The following PDE10A variants were observed in gnomAD, a reference collection of about 807,000 sequenced individuals.
PDE10A encodes the protein cAMP and cAMP-inhibited cGMP 3',5'-cyclic phosphodiesterase 10A.
PDE10A carries 39 observed loss-of-function variants against 97.7 expected under a neutral mutation model. The ratio of observed to expected loss-of-function variants is 0.40; its 90% CI spans 0.31 to 0.52. The LOEUF is 0.52. Among genes scored for constraint, PDE10A ranks in the 20% least tolerant of loss-of-function variants. PDE10A has a pLI of 0.56. For synonymous variants in PDE10A, 371 were observed against 376.8 expected (o/e 0.98, Z 0.18); for missense variants, 731 against 1,047.8 (o/e 0.70, Z 4.17).
chr6:165,679,581 C>T (rs1334122483), intron 1 of PDE10A, among the ~76,000 whole-genome samples: 2 of 152,186 alleles, frequency 1.3e-5, no homozygotes, highest in East Asian at 1.9e-4. Context: ...AGCACAGGAA[C>T]GCCGGGAAGC....
rs150123141 is a variant in PDE10A at position 165,928,180 on chromosome 6, T to C, written c.-615+59349A>G. On this transcript the variant is annotated intron_variant, in intron 1 of 19. Coordinates refer to the PDE10A transcript ENST00000366882. ...GCCCTAGCTTCATCACACTCAGAAGTAGGTAAAAAGGGGGAAAACATGGGT... is the reference window on the plus strand; with the variant it reads ...GCCCTAGCTTCATCACACTCAGAAGCAGGTAAAAAGGGGGAAAACATGGGT... Among the ~76,000 whole-genome samples the C allele has an allele frequency of 2.2e-3, 330 of 152,148 alleles. 1 individual carries two copies. The highest frequency in any genetic ancestry group is 7.4e-3 in the African/African-American group (309 of 41,508).
At chr6:165,855,308 G>A (rs75332492) in intron 1 of PDE10A, among the ~76,000 whole-genome samples, 1 of 45,184 alleles carries the variant, frequency 2.2e-5, no homozygotes, top group African/African-American at 5.2e-5. Flanking sequence ...GAAGTGGCGG[G>A]GGGGGGGGGG....
chr6:165,661,934 G>A lies in PDE10A; in HGVS notation c.865+13C>T. On this transcript the variant is annotated intron_variant, in intron 1 of 21. Transcript: ENST00000539869. This position sits in a 1 kb window ranked among gnomAD's most constrained non-coding sequence, Gnocchi z 4.8. ...CCGCCCCACCTCCGGGGAACGGGGA[G>A]CAGGCCACTTACTGGGGCTCAGGAA... is the stretch of plus-strand genomic sequence containing the variant. 1.1e-6 allele frequency: 1 copy of A among 915,530 alleles called. No individual in the cohort carries two copies. The highest frequency in any genetic ancestry group is 1.7e-5 in the African/African-American group (1 of 59,682). 56.7% of individuals were successfully genotyped at this position (915,530 alleles called of 1,614,324 possible). A position where few individuals can be genotyped will look rare whatever the true frequency, so the allele number is the denominator to read the frequency against.
intron 1 of PDE10A, among the ~76,000 whole-genome samples, chr6:165,868,363 T>C (rs1781112889): frequency 6.6e-6 from 1 of 151,960 alleles, no homozygotes; most frequent in South Asian, 2.1e-4. Context: ...ATGCAAAGGA[T>C]TAGAGACTAT....
At chr6:165,653,799 C>T (rs1789803219) in intron 1 of PDE10A, among the ~76,000 whole-genome samples, 1 of 151,496 alleles carries the variant, frequency 6.6e-6, no homozygotes, top group Non-Finnish European at 1.5e-5. Context: ...CTGGCACCTC[C>T]CCACGCCTTC....
At chr6:165,404,670 C>T (rs1480798089) in intron 13 of PDE10A, among the ~76,000 whole-genome samples, 3 of 151,638 alleles carry the variant, frequency 2.0e-5, no homozygotes, top group African/African-American at 7.3e-5. Context: ...TAAACGATGA[C>T]CTGAAAAAAA....
intron 1 of PDE10A, among the ~76,000 whole-genome samples, chr6:165,861,995 A>T (rs144847927): frequency 2.0e-5 from 3 of 152,338 alleles, no homozygotes; most frequent in South Asian, 2.1e-4. Flanking sequence ...TGTGACCCAC[A>T]TGCAGTGCAG....
intron 1 of PDE10A, among the ~76,000 whole-genome samples, chr6:165,646,132 A>C (rs1477615130): frequency 2.6e-5 from 4 of 152,184 alleles, no homozygotes; most frequent in Admixed American, 6.5e-5. Flanking sequence ...CGCGAGGGCA[A>C]AGGCCTCACT....
At chr6:165,759,801 C>T (rs577254905) in intron 1 of PDE10A, among the ~76,000 whole-genome samples, 5 of 152,326 alleles carry the variant, frequency 3.3e-5, no homozygotes, top group East Asian at 1.9e-4. Context: ...GAGGCCCAGG[C>T]ATTTGGGCTC....
At chr6:165,638,402 G>A (rs1335095546) in intron 1 of PDE10A, among the ~76,000 whole-genome samples, 1 of 151,996 alleles carries the variant, frequency 6.6e-6, no homozygotes, top group Non-Finnish European at 1.5e-5. Flanking sequence ...GAGAGAGGGT[G>A]GAAGGAGTCG....
At chr6:165,477,970 G>C (rs1006792375) in intron 3 of PDE10A, among the ~76,000 whole-genome samples, 4 of 152,018 alleles carry the variant, frequency 2.6e-5, no homozygotes, top group Admixed American at 6.6e-5. Flanking sequence ...TAGTGCTTGG[G>C]TCTTGACTCT....
In PDE10A at chr6:165,457,434, C is replaced by T. The variant is rs557066382; in HGVS notation, c.1024-7072G>A. ...CCACGCTGATTTCATGTAGTACTTGCGTTTTATTTGAGCAACCACCAAAAA... is the reference window on the plus strand; with the variant it reads ...CCACGCTGATTTCATGTAGTACTTGTGTTTTATTTGAGCAACCACCAAAAA... On this transcript the variant is annotated intron_variant, in intron 3 of 21. Coordinates refer to ENST00000539869, the MANE Select transcript of PDE10A (RefSeq NM_001385079.1). Among the ~76,000 whole-genome samples the T allele has an allele frequency of 2.2e-4, 34 of 152,242 alleles. No homozygotes were observed. The South Asian group carries it at 6.0e-3, about 27-fold the overall frequency.
At chr6:165,894,626 A>C (rs1359630867) in intron 1 of PDE10A, 1 of 435,112 alleles carries the variant, frequency 2.3e-6, no homozygotes, top group Non-Finnish European at 4.7e-6. Flanking sequence ...CACATGAAGA[A>C]GATAAGCAGT....
At chr6:165,922,041 G>C (rs1479682597) in intron 1 of PDE10A, among the ~76,000 whole-genome samples, 2 of 152,134 alleles carry the variant, frequency 1.3e-5, no homozygotes, top group Non-Finnish European at 2.9e-5. Flanking sequence ...GATGTGAGAA[G>C]ATTCTAGACA....
chr6:165,468,334 C>T lies in PDE10A; in HGVS notation c.1023+13981G>A, dbSNP rs546239977. 2.3e-4 allele frequency among the ~76,000 whole-genome samples: 35 copies of T among 151,940 alleles called. 1 individual carries two copies. The South Asian group carries it at 5.8e-3, about 25-fold the overall frequency. On this transcript the variant is annotated intron_variant, in intron 3 of 21. Transcript: ENST00000539869. ...TGAACTCCTGACCTCGTGATCCGCCCGCCTCAGCCTCCAAAAGCGCTGGGA... is the reference window on the plus strand; with the variant it reads ...TGAACTCCTGACCTCGTGATCCGCCTGCCTCAGCCTCCAAAAGCGCTGGGA...
In PDE10A at chr6:165,655,869, G is replaced by A. The variant is rs148899584; in HGVS notation, c.865+6078C>T. Among the ~76,000 whole-genome samples the A allele has an allele frequency of 6.8e-4, 103 of 151,894 alleles. No homozygotes were observed. The East Asian group carries it at 0.01, about 15-fold the overall frequency. On this transcript the variant is annotated intron_variant, in intron 1 of 21. Coordinates refer to ENST00000539869, the MANE Select transcript of PDE10A (RefSeq NM_001385079.1). This position sits in a 1 kb window ranked among gnomAD's most constrained non-coding sequence, Gnocchi z 4.5. ...TCAGCTCCAGCACGGCCGTCACCCC[G>A]CTCCTCTGCCTTGTGAGCCCCCTCT...
At chr6:165,644,250 G>A (rs1243165994) in intron 1 of PDE10A, among the ~76,000 whole-genome samples, 9 of 152,086 alleles carry the variant, frequency 5.9e-5, no homozygotes, top group African/African-American at 1.4e-4. Flanking sequence ...AGTAGAGAAC[G>A]GGGTTTCACC....
At chr6:165,922,247 G>T (rs1291397684) in intron 1 of PDE10A, among the ~76,000 whole-genome samples, 1 of 152,146 alleles carries the variant, frequency 6.6e-6, no homozygotes, top group Non-Finnish European at 1.5e-5. Context: ...GTTTGGTCTT[G>T]ATTGCCATCA....
At chr6:165,901,406 C>A (rs74890862) in intron 1 of PDE10A, among the ~76,000 whole-genome samples, 1 of 152,110 alleles carries the variant, frequency 6.6e-6, no homozygotes, top group Non-Finnish European at 1.5e-5. Context: ...GTGGCTCCTG[C>A]GGCACAGAGA....
Sources: allele counts gnomAD v4.1 joint callset (sites outside exome capture counted in the v4.1 genomes callset), GRCh38; gene constraint gnomAD v4.1.1; non-coding constraint Gnocchi (gnomAD v3.1); transcripts MANE v1.5; gene names NCBI Gene and HGNC (gene_info 2026-07-23, HGNC 2026-07-21).